Variants in EBF1 observed in about 807,000 individuals in gnomAD.
EBF1 encodes the protein transcription factor COE1.
Under a neutral mutation model 68.4 loss-of-function variants are expected in EBF1, and 10 were observed. The observed-to-expected ratio is 0.15, with a 90% CI of 0.09 to 0.25. EBF1 has a LOEUF of 0.25. Ranked by LOEUF, EBF1 falls within the 10% of genes least tolerant of loss-of-function variation. The probability of loss-of-function intolerance (pLI) is 1.00; values close to 1 mark genes in which losing one functional copy is unlikely to be tolerated. For synonymous variants in EBF1, 298 were observed against 299.8 expected, an observed-to-expected ratio of 0.99 and a Z score of 0.06; for missense variants, 509 against 794.4, an observed-to-expected ratio of 0.64 and a Z score of 4.32.
chr5:159,028,264 G>A (rs1056037249), intron 6 of EBF1, among the ~76,000 whole-genome samples: 1 of 152,156 alleles, frequency 6.6e-6, no homozygotes, highest in African/African-American at 2.4e-5. Flanking sequence ...GAGGAGAGAG[G>A]ATATTCCCTC....
At chr5:158,778,829 T>G (rs1581803130) in intron 9 of EBF1, among the ~76,000 whole-genome samples, 1 of 152,186 alleles carries the variant, frequency 6.6e-6, no homozygotes, top group East Asian at 1.9e-4. Flanking sequence ...TATTATATCT[T>G]GTAATATAAA....
intron 6 of EBF1, among the ~76,000 whole-genome samples, chr5:158,982,150 A>G (rs937400000): frequency 3.9e-5 from 6 of 152,256 alleles, no homozygotes; most frequent in African/African-American, 1.4e-4. Context: ...TCTGTAAAAA[A>G]GGTAGATAGG....
At chr5:158,917,833 G>A (rs1157966220) in intron 6 of EBF1, among the ~76,000 whole-genome samples, 1 of 152,150 alleles carries the variant, frequency 6.6e-6, no homozygotes, top group Non-Finnish European at 1.5e-5. Flanking sequence ...TGAAGGTCAG[G>A]GAAGTTAAAT....
chr5:159,099,237 C>T, intron 1 of EBF1, 108 bp downstream of exon 1: 1 of 957,696 alleles, frequency 1.0e-6, no homozygotes, highest in Non-Finnish European at 1.4e-6. Flanking sequence ...TGCGGACTCA[C>T]CCCGCCGCCC....
chr5:158,847,917 T>C (rs1468347653), intron 6 of EBF1, among the ~76,000 whole-genome samples: 3 of 152,178 alleles, frequency 2.0e-5, no homozygotes, highest in African/African-American at 7.2e-5. Context: ...GTGTAAATCT[T>C]TCCCCAGGCT....
intron 11 of EBF1, among the ~76,000 whole-genome samples, chr5:158,729,248 A>G (rs1198034755): frequency 6.6e-6 from 1 of 152,252 alleles, no homozygotes; most frequent in East Asian, 1.9e-4. Context: ...CCTAGGTTGC[A>G]TAGCTAGCAA....
At chr5:158,786,636 T>C (rs1777500854) in intron 9 of EBF1, among the ~76,000 whole-genome samples, 1 of 152,128 alleles carries the variant, frequency 6.6e-6, no homozygotes, top group Admixed American at 6.6e-5. Context: ...TCAAGGCTTG[T>C]TTTTCTAAAT....
At chr5:159,082,806 C>CT (rs1048793772) in intron 5 of EBF1, among the ~76,000 whole-genome samples, 17 of 152,242 alleles carry the variant, frequency 1.1e-4, no homozygotes, top group African/African-American at 4.1e-4. Context: ...CTCTTAGCCA[C>CT]GCAGTACAAA....
chr5:159,028,183 G>A (rs1584066751), intron 6 of EBF1, among the ~76,000 whole-genome samples: 1 of 152,116 alleles, frequency 6.6e-6, no homozygotes. Context: ...ATGCACTAAA[G>A]GAAAAATACA....
At chr5:158,912,813 C>G (rs1806297719) in intron 6 of EBF1, among the ~76,000 whole-genome samples, 2 of 152,136 alleles carry the variant, frequency 1.3e-5, no homozygotes, top group South Asian at 2.1e-4. Context: ...CCTTCCTACT[C>G]TCTATCAGCC....
At chr5:158,728,470 A>T (rs1158610751) in intron 11 of EBF1, among the ~76,000 whole-genome samples, 1 of 152,242 alleles carries the variant, frequency 6.6e-6, no homozygotes, top group African/African-American at 2.4e-5. Flanking sequence ...TAAGTACACA[A>T]AACTCAACCC....
intron 1 of EBF1, among the ~76,000 whole-genome samples, chr5:159,097,910 G>A (rs961818879): frequency 6.6e-6 from 1 of 152,140 alleles, no homozygotes; most frequent in African/African-American, 2.4e-5. Flanking sequence ...AGCCGGACCT[G>A]CCCAACACAA....
intron 6 of EBF1, among the ~76,000 whole-genome samples, chr5:158,897,733 G>A (rs1330805758): frequency 1.3e-5 from 2 of 152,164 alleles, no homozygotes; most frequent in Non-Finnish European, 2.9e-5. Flanking sequence ...AGAGCCACAA[G>A]ACTTAGCTTC....
At chr5:158,929,786 T>C (rs1810446525) in intron 6 of EBF1, among the ~76,000 whole-genome samples, 1 of 152,218 alleles carries the variant, frequency 6.6e-6, no homozygotes, top group South Asian at 2.1e-4. Context: ...GCTGATTAAT[T>C]TGTTTGATGC....
chr5:158,732,677 C>G (rs1477416388), intron 10 of EBF1, among the ~76,000 whole-genome samples: 1 of 151,976 alleles, frequency 6.6e-6, no homozygotes, highest in Non-Finnish European at 1.5e-5. Flanking sequence ...CCAATAATTA[C>G]ACCTCCAAAA....
At chr5:158,816,204 T>C (rs1315344441) in intron 8 of EBF1, among the ~76,000 whole-genome samples, 2 of 152,260 alleles carry the variant, frequency 1.3e-5, no homozygotes, top group African/African-American at 2.4e-5. Context: ...TGCCCTTGAA[T>C]GTACATTTCT....
chr5:158,926,768 GAACT>G (rs1360989029), intron 6 of EBF1, among the ~76,000 whole-genome samples: 1 of 150,486 alleles, frequency 6.6e-6, no homozygotes, highest in Non-Finnish European at 1.5e-5. Context: ...AAGAAAGAAA[GAACT>G]ATCTTATTTA....
At chr5:159,011,013 C>T (rs2127679721) in intron 6 of EBF1, among the ~76,000 whole-genome samples, 1 of 152,332 alleles carries the variant, frequency 6.6e-6, no homozygotes, top group Non-Finnish European at 1.5e-5. Context: ...ATACAAAATG[C>T]CACAAAGACT....
At position 158,855,551 on chromosome 5, in the gene EBF1, C is replaced by T. The variant is rs556727317; in HGVS notation, c.555-15441G>A. Among the ~76,000 whole-genome samples, 7 of 152,306 alleles carry T rather than the reference C, an allele frequency of 4.6e-5. No individual in the cohort carries two copies. The South Asian group carries it at 1.0e-3, about 23-fold the overall frequency. ...TGGAGGGATTTGGCCCTAGTTCTCT[C>T]CCACCCTTCAGGTCTCTGAGATGTC... On this transcript the variant is annotated intron_variant, in intron 6 of 15. Coordinates refer to ENST00000313708, the MANE Select transcript of EBF1 (RefSeq NM_024007.5).
Sources: allele counts gnomAD v4.1 joint callset (sites outside exome capture counted in the v4.1 genomes callset), GRCh38; gene constraint gnomAD v4.1.1; transcripts MANE v1.5; gene names NCBI Gene and HGNC (gene_info 2026-07-23, HGNC 2026-07-21).